CDK14: variants seen among roughly 807,000 people sequenced by gnomAD.
The protein encoded by CDK14 is cyclin-dependent kinase 14.
CDK14 carries 34 observed loss-of-function variants against 60.7 expected under a neutral mutation model. The ratio of observed to expected loss-of-function variants is 0.56; its 90% CI spans 0.43 to 0.75. The LOEUF is 0.75. CDK14 is among the 30% of genes least tolerant of loss of function. The pLI is 0.00. For missense variants in CDK14, 482 were observed against 564.1 expected, an observed-to-expected ratio of 0.85 and a Z score of 1.47; for synonymous variants, 197 against 203.7, an observed-to-expected ratio of 0.97 and a Z score of 0.28.
rs577265530 is a variant in CDK14 at position 90,725,479 on chromosome 7, A to G, written c.124-1088A>G. Reference sequence around the variant, plus strand: ...GTGTATCTGTGGGTTCTGTATGCACATACTCAACCAACCACGGACCCAAAG... The same window carrying G: ...GTGTATCTGTGGGTTCTGTATGCACGTACTCAACCAACCACGGACCCAAAG... On this transcript the variant is annotated intron_variant, in intron 2 of 14. Transcript: ENST00000380050. Among the ~76,000 whole-genome samples the G allele has an allele frequency of 3.3e-5, 5 of 152,270 alleles. No homozygotes were observed. In the East Asian group the frequency reaches 9.6e-4, roughly 29 times the overall value.
At chr7:90,611,188 A>G (rs1449900666) in intron 2 of CDK14, among the ~76,000 whole-genome samples, 3 of 152,000 alleles carry the variant, frequency 2.0e-5, no homozygotes, top group East Asian at 1.9e-4. Context: ...TACTTTCACC[A>G]TAGGCTCTGA....
intron 12 of CDK14, among the ~76,000 whole-genome samples, chr7:91,111,250 A>G (rs189271370): frequency 2.6e-5 from 4 of 152,098 alleles, no homozygotes; most frequent in African/African-American, 9.7e-5. Context: ...TCTTCTCTTC[A>G]TACCCCCATC....
intron 14 of CDK14, among the ~76,000 whole-genome samples, chr7:91,178,499 G>A (rs1801862104): frequency 1.3e-5 from 2 of 148,702 alleles, no homozygotes; most frequent in Admixed American, 1.3e-4. Context: ...CACAGCAAAA[G>A]AAACTACCAT....
At chr7:90,623,561 A>T (rs1799818113) in intron 2 of CDK14, among the ~76,000 whole-genome samples, 1 of 152,180 alleles carries the variant, frequency 6.6e-6, no homozygotes, top group South Asian at 2.1e-4. Context: ...TTGTTTTTTT[A>T]AGTTTTCTTT....
chr7:90,623,085 A>T (rs1799807564), intron 2 of CDK14, among the ~76,000 whole-genome samples: 1 of 150,942 alleles, frequency 6.6e-6, no homozygotes, highest in Non-Finnish European at 1.5e-5. Flanking sequence ...TTATATATAT[A>T]TTTTTAAAAA....
chr7:90,619,159 C>T (rs1168927902), intron 2 of CDK14, among the ~76,000 whole-genome samples: 1 of 152,158 alleles, frequency 6.6e-6, no homozygotes, highest in African/African-American at 2.4e-5. Context: ...GTTGTAACAT[C>T]TGTTTCTGTC....
intron 5 of CDK14, among the ~76,000 whole-genome samples, chr7:90,852,150 A>G (rs1490732223): frequency 6.6e-6 from 1 of 151,978 alleles, no homozygotes; most frequent in Non-Finnish European, 1.5e-5. Context: ...TCCCACCTCC[A>G]CCTTTCAAAA....
At chr7:90,973,451 C>T (rs969685129) in intron 9 of CDK14, among the ~76,000 whole-genome samples, 3 of 152,146 alleles carry the variant, frequency 2.0e-5, no homozygotes, top group East Asian at 3.9e-4. Flanking sequence ...AATAAAAAAA[C>T]GAAAATCTAG....
intron 6 of CDK14, among the ~76,000 whole-genome samples, chr7:90,889,126 A>G (rs1284914556): frequency 6.6e-6 from 1 of 152,252 alleles, no homozygotes; most frequent in Non-Finnish European, 1.5e-5. Context: ...TTTATACTTA[A>G]TAAGTTTTAT....
chr7:90,709,782 T>TG, intron 2 of CDK14: 2 of 1,423,364 alleles, frequency 1.4e-6, no homozygotes, highest in Non-Finnish European at 1.8e-6. Flanking sequence ...TTTTTTTTTT[T>TG]GCTTGCTTAT....
intron 5 of CDK14, among the ~76,000 whole-genome samples, chr7:90,827,862 G>A (rs1789780564): frequency 6.6e-6 from 1 of 152,096 alleles, no homozygotes; most frequent in Admixed American, 6.6e-5. Flanking sequence ...TAGCTTAAAA[G>A]CTTTTCTTGT....
At chr7:90,689,071 C>G (rs1239806921) in intron 2 of CDK14, among the ~76,000 whole-genome samples, 1 of 152,076 alleles carries the variant, frequency 6.6e-6, no homozygotes, top group Non-Finnish European at 1.5e-5. Context: ...CTGTCAGTAC[C>G]CTTAGTTTTC....
At chr7:90,648,491 A>G (rs960809869) in intron 2 of CDK14, among the ~76,000 whole-genome samples, 1 of 152,144 alleles carries the variant, frequency 6.6e-6, no homozygotes, top group Non-Finnish European at 1.5e-5. Flanking sequence ...GGAGGGGGCT[A>G]CACAGAAGAG....
intron 12 of CDK14, among the ~76,000 whole-genome samples, chr7:91,094,610 T>C (rs1390840500): frequency 6.6e-6 from 1 of 152,186 alleles, no homozygotes; most frequent in South Asian, 2.1e-4. Context: ...CTTCAGTTAT[T>C]TTGTAGTCTC....
intron 11 of CDK14, among the ~76,000 whole-genome samples, chr7:91,047,775 T>G (rs780754149): frequency 6.6e-6 from 1 of 152,124 alleles, no homozygotes; most frequent in Non-Finnish European, 1.5e-5. Context: ...ACATAAGTGT[T>G]TCCTGAGTTT....
chr7:91,015,590 T>C (rs1796281239), intron 10 of CDK14, among the ~76,000 whole-genome samples: 1 of 136,022 alleles, frequency 7.4e-6, no homozygotes, highest in South Asian at 2.5e-4. Context: ...TGCAGTGGCA[T>C]GATCTCGGCT....
chr7:91,048,005 C>A (rs1485231322), intron 11 of CDK14, among the ~76,000 whole-genome samples: 1 of 152,122 alleles, frequency 6.6e-6, no homozygotes, highest in Non-Finnish European at 1.5e-5. Context: ...CCTTGATTTA[C>A]CCCGAAGTGT....
At chr7:90,750,408 A>C (rs1803790961) in intron 4 of CDK14, among the ~76,000 whole-genome samples, 1 of 152,196 alleles carries the variant, frequency 6.6e-6, no homozygotes, top group Admixed American at 6.5e-5. Context: ...GAAATGACAG[A>C]TAAATAATTG....
intron 14 of CDK14, among the ~76,000 whole-genome samples, chr7:91,186,151 T>TCTCCTCTCCTCC (rs1802177032): frequency 1.2e-4 from 1 of 8,538 alleles, no homozygotes; most frequent in Non-Finnish European, 2.2e-4. Flanking sequence ...TCCTCTCCTC[T>TCTCCTCTCCTCC]CCTCCCCTCC....
Sources: allele counts gnomAD v4.1 joint callset (sites outside exome capture counted in the v4.1 genomes callset), GRCh38; gene constraint gnomAD v4.1.1; transcripts MANE v1.5; gene names NCBI Gene and HGNC (gene_info 2026-07-23, HGNC 2026-07-21).